The following PRKDC variants were observed in gnomAD, a reference collection of about 807,000 sequenced individuals.
The protein encoded by PRKDC is DNA-dependent protein kinase catalytic subunit.
A neutral mutation model predicts 486.9 loss-of-function variants in PRKDC; 82 were observed. The observed-to-expected ratio is 0.17, with a 90% CI of 0.14 to 0.20. PRKDC has a LOEUF of 0.20. PRKDC is among the 10% of genes least tolerant of loss of function. PRKDC has a pLI of 1.00. For missense variants in PRKDC, 4,504 were observed against 5,038.2 expected (o/e 0.89, Z 3.21); for synonymous variants, 1,895 against 1,837.0 (o/e 1.03, Z -0.81).
At chr8:47,834,425 A>G (rs1289400767) in intron 58 of PRKDC, 29 bp from the exon 59 acceptor site, 1 of 1,608,220 alleles carries the variant, frequency 6.2e-7, no homozygotes, top group South Asian at 1.1e-5. Context: ...GAGGTCAGGC[A>G]CTCAGCATCA....
chr8:47,862,166 T>A, intron 43 of PRKDC, 39 bp from the exon 44 acceptor site: 1 of 1,497,834 alleles, frequency 6.7e-7, no homozygotes, highest in Non-Finnish European at 9.1e-7. Flanking sequence ...AGCTGAATGG[T>A]GAAGATCCTC....
chr8:47,903,414 C>T (rs1023741114), intron 26 of PRKDC, among the ~76,000 whole-genome samples: 2 of 152,230 alleles, frequency 1.3e-5, no homozygotes, highest in South Asian at 2.1e-4. Flanking sequence ...TGAAAACGTA[C>T]ACTCAACAAT....
chr8:47,822,434 A>C (rs2087622586), intron 64 of PRKDC, among the ~76,000 whole-genome samples: 3 of 152,216 alleles, frequency 2.0e-5, no homozygotes, highest in Non-Finnish European at 4.4e-5. Flanking sequence ...TTACCACGTA[A>C]CAAGTTCTTA....
intron 70 of PRKDC, 107 bp downstream of exon 70, chr8:47,803,199 G>T (rs1283491333): frequency 4.4e-6 from 5 of 1,136,120 alleles, no homozygotes; most frequent in Non-Finnish European, 6.1e-6. Flanking sequence ...TTACTGCAAA[G>T]ATTTACCTCC....
intron 10 of PRKDC, among the ~76,000 whole-genome samples, chr8:47,940,870 G>C (rs371275139): frequency 6.6e-6 from 1 of 152,128 alleles, no homozygotes; most frequent in African/African-American, 2.4e-5. Flanking sequence ...TTGGCCGGGC[G>C]CAGTAGCTCA....
chr8:47,826,843 C>A lies in PRKDC; in HGVS notation c.8596G>T (p.Ala2866Ser). ...GCTGGGTCGAGGCTCAGCAGGGCTG[C>A]GTGCTGACAGCTAATGTCCTGTGAA... ...SCIQDISCQH[A>S]ALLSLDPAAV... The change falls in exon 63 of 86, where the codon GCA becomes TCA. Residue 2866 changes from alanine to serine, a missense_variant. This residue lies in a region of PRKDC where 1,592 missense variants were observed against 1,724.6 expected (regional missense o/e 0.92). Transcript: ENST00000314191. 3 of 1,587,962 alleles carry A rather than the reference C, an allele frequency of 1.9e-6. No homozygotes were observed. Among genetic ancestry groups the A allele is most frequent in the Non-Finnish European group, 2.6e-6 (3 of 1,164,874 alleles).
intron 68 of PRKDC, among the ~76,000 whole-genome samples, 186 bp from the exon 69 acceptor site, chr8:47,807,512 G>T (rs1324914956): frequency 1.3e-5 from 2 of 151,884 alleles, no homozygotes; most frequent in Non-Finnish European, 2.9e-5. Context: ...TCTGCCTCCC[G>T]GGTTCACGTC....
Position 47,927,896 on chromosome 8 carries a change from C to A in PRKDC, c.2140-6G>T. ...TGCTTCATTTTAACTGCCACCTTAA[C>A]AAGAAAGAAGACAGTAATGTATATC... On this transcript the variant is annotated splice_polypyrimidine_tract_variant and splice_region_variant and intron_variant, in intron 19 of 85. Transcript: ENST00000314191. 1 of 1,550,920 alleles carries A rather than the reference C, an allele frequency of 6.4e-7. No individual in the cohort carries two copies.
rs572824612 is a variant in PRKDC, at chr8:47,923,153, T to C, written c.2419+4041A>G. Among the ~76,000 whole-genome samples the C allele has an allele frequency of 2.0e-5, 3 of 150,998 alleles. No individual in the cohort carries two copies. The East Asian group carries it at 5.9e-4, about 30-fold the overall frequency. ...ATCTCGGCTCACTGCAACCTCTGCCTCCCGGGTTCAAGTGGTTCTCTGGTC... is the reference window on the plus strand; with the variant it reads ...ATCTCGGCTCACTGCAACCTCTGCCCCCCGGGTTCAAGTGGTTCTCTGGTC... On this transcript the variant is annotated intron_variant, in intron 21 of 85. Coordinates refer to ENST00000314191, the MANE Select transcript of PRKDC (RefSeq NM_006904.7).
intron 66 of PRKDC, among the ~76,000 whole-genome samples, chr8:47,820,103 G>A (rs1234194590): frequency 7.9e-5 from 12 of 152,170 alleles, no homozygotes; most frequent in Non-Finnish European, 1.2e-4. Context: ...CTTCCATTCC[G>A]CTACCCCAAA....
At chr8:47,890,827 G>A (rs1028850390) in intron 31 of PRKDC, among the ~76,000 whole-genome samples, 1 of 152,152 alleles carries the variant, frequency 6.6e-6, no homozygotes, top group Non-Finnish European at 1.5e-5. Context: ...CTTTGATCCA[G>A]CACTGAAATT....
chr8:47,882,436 G>A (rs1384801867), intron 36 of PRKDC, among the ~76,000 whole-genome samples: 1 of 151,580 alleles, frequency 6.6e-6, no homozygotes, highest in African/African-American at 2.4e-5. Flanking sequence ...ACACGCACAA[G>A]CACACAAATA....
intron 26 of PRKDC, among the ~76,000 whole-genome samples, chr8:47,903,370 C>T (rs529622069): frequency 2.1e-4 from 32 of 152,324 alleles, no homozygotes; most frequent in African/African-American, 3.8e-4. Flanking sequence ...CTAGTCATGA[C>T]GCTGTCTCAG....
chr8:47,774,348 G>A lies in PRKDC; in HGVS notation c.12212C>T (p.Ala4071Val), dbSNP rs1370717151. 1 of 1,613,256 alleles carries A rather than the reference G, an allele frequency of 6.2e-7. No individual in the cohort carries two copies. The highest frequency in any genetic ancestry group is 8.5e-7 in the Non-Finnish European group (1 of 1,179,804). The change falls in exon 86 of 86, where the codon GCC becomes GTC. Residue 4071 changes from alanine to valine, a missense_variant. Transcript: ENST00000314191. ...CDELLLGHEK[A>V]PAFRDYVAVA... ...AGCCACATAGTCTCTGAAGGCAGGG[G>A]CCTTCTCATGACCCAGGAGTAGCTC...
rs769117384 is a variant in PRKDC at position 47,939,692 on chromosome 8, A to G, written c.972T>C (p.Ser324=). 1.9e-6 allele frequency: 3 copies of G among 1,593,048 alleles called. No individual in the cohort carries two copies. The highest frequency in any genetic ancestry group is 1.4e-5 in the African/African-American group (1 of 74,004). Reference sequence around the variant, plus strand: ...TTTCTGCATTTTTCGCCACCATATTAGAAACCTGCAAATACATAATATTTA... The same window carrying G: ...TTTCTGCATTTTTCGCCACCATATTGGAAACCTGCAAATACATAATATTTA... ...SALESFLKQV[S]NMVAKNAEMH... The change falls in exon 11 of 86, where the codon TCT becomes TCC. Residue 324 remains serine (S), a synonymous_variant. Coordinates refer to ENST00000314191, the MANE Select transcript of PRKDC (RefSeq NM_006904.7).
intron 49 of PRKDC, 108 bp from the exon 50 acceptor site, chr8:47,855,481 G>GA: frequency 4.3e-6 from 5 of 1,167,876 alleles, no homozygotes; most frequent in African/African-American, 1.6e-5. Flanking sequence ...CAGGAGTCCG[G>GA]CTCCTGTTGA....
Position 47,878,912 on chromosome 8 carries a change from C to T in PRKDC, c.5235+579G>A, listed in dbSNP as rs574051734. On this transcript the variant is annotated intron_variant, in intron 39 of 85. Coordinates refer to ENST00000314191, the MANE Select transcript of PRKDC (RefSeq NM_006904.7). ...TATGTCCAGACTTGAGTCCTATCCCCGGGATATCTCATGTATACACAAACA... is the reference window on the plus strand; with the variant it reads ...TATGTCCAGACTTGAGTCCTATCCCTGGGATATCTCATGTATACACAAACA... Among the ~76,000 whole-genome samples the T allele has an allele frequency of 6.6e-5, 10 of 152,300 alleles. 1 individual carries two copies. In the South Asian group the frequency reaches 1.9e-3, roughly 28 times the overall value.
chr8:47,827,979 T>C (rs1445665742), intron 62 of PRKDC, among the ~76,000 whole-genome samples, 189 bp downstream of exon 62: 1 of 152,086 alleles, frequency 6.6e-6, no homozygotes, highest in African/African-American at 2.4e-5. Flanking sequence ...CTGTCACATA[T>C]CGGTTTTTCT....
chr8:47,821,582 C>T, intron 65 of PRKDC, 22 bp downstream of exon 65: 1 of 1,559,066 alleles, frequency 6.4e-7, no homozygotes, highest in Non-Finnish European at 8.7e-7. Context: ...TTATTTCAAT[C>T]ACTTAAAATA....
Sources: allele counts gnomAD v4.1 joint callset (sites outside exome capture counted in the v4.1 genomes callset), GRCh38; gene constraint gnomAD v4.1.1; regional missense constraint gnomAD v4.1.1; transcripts MANE v1.5; gene names NCBI Gene and HGNC (gene_info 2026-07-23, HGNC 2026-07-21).